Variants in CHST8 observed in about 807,000 individuals in gnomAD.
CHST8 encodes carbohydrate sulfotransferase 8.
In CHST8, 10 loss-of-function variants were observed where a neutral mutation model predicts 15.0. The ratio of observed to expected loss-of-function variants is 0.67; its 90% CI spans 0.41 to 1.13. The LOEUF (loss-of-function observed/expected upper bound fraction) is 1.13. Ranked by LOEUF, CHST8 falls within the 50% of genes most tolerant of loss-of-function variation. CHST8 has a pLI of 0.00. For missense variants in CHST8, 634 were observed against 608.2 expected, an observed-to-expected ratio of 1.04 and a Z score of -0.45; for synonymous variants, 259 against 256.6, an observed-to-expected ratio of 1.01 and a Z score of -0.09.
Position 33,772,795 on chromosome 19 carries a change from G to C in CHST8, c.1007G>C (p.Ser336Thr), listed in dbSNP as rs1228724147. Residue 336 changes from serine to threonine, a missense_variant, in exon 5 of 5, where the codon AGC becomes ACC. Coordinates refer to ENST00000650847, the MANE Select transcript of CHST8 (RefSeq NM_001127895.2). ...IHWDHVSRLC[S>T]PCLIDYDFVG... is the part of the protein sequence containing the mutation. ...TGGGACCATGTCAGCCGGCTCTGCA[G>C]CCCCTGCCTCATCGACTACGATTTC... 6.2e-7 allele frequency: 1 copy of C among 1,613,518 alleles called. No homozygotes were observed. The highest frequency in any genetic ancestry group is 1.3e-5 in the African/African-American group (1 of 75,060).
intron 3 of CHST8, among the ~76,000 whole-genome samples, chr19:33,728,648 C>T (rs1973944636): frequency 6.6e-6 from 1 of 152,220 alleles, no homozygotes; most frequent in Non-Finnish European, 1.5e-5. Context: ...CAGACATGCA[C>T]CTGCCCTCAA....
At chr19:33,694,923 T>G in intron 3 of CHST8, among the ~76,000 whole-genome samples, 1 of 139,964 alleles carries the variant, frequency 7.1e-6, no homozygotes, top group Non-Finnish European at 1.6e-5. Context: ...CTTCCCTCCC[T>G]TCCCCTCCCC....
intron 3 of CHST8, among the ~76,000 whole-genome samples, chr19:33,712,857 T>A (rs1599575308): frequency 6.6e-6 from 1 of 152,280 alleles, no homozygotes; most frequent in Non-Finnish European, 1.5e-5. Flanking sequence ...GATCACCCTC[T>A]GCCCTCTCAC....
chr19:33,688,823 C>T (rs80038226), intron 2 of CHST8, among the ~76,000 whole-genome samples: 2,194 of 152,262 alleles, frequency 0.014, 23 homozygotes, highest in Middle Eastern at 0.054. Flanking sequence ...CCTGGGAGCA[C>T]GCATGCTTAT....
intron 3 of CHST8, among the ~76,000 whole-genome samples, chr19:33,698,934 G>A (rs892418976): frequency 1.9e-4 from 29 of 152,192 alleles, no homozygotes; most frequent in African/African-American, 6.8e-4. Context: ...ACCATGCAGG[G>A]TGGGGAGGGC....
At chr19:33,732,902 C>T (rs1423819420) in intron 3 of CHST8, among the ~76,000 whole-genome samples, 2 of 152,206 alleles carry the variant, frequency 1.3e-5, no homozygotes, top group Non-Finnish European at 2.9e-5. Context: ...GCATATCACC[C>T]TCCCAGCAGA....
chr19:33,708,702 T>G (rs1973491224), intron 3 of CHST8, among the ~76,000 whole-genome samples: 1 of 152,228 alleles, frequency 6.6e-6, no homozygotes, highest in African/African-American at 2.4e-5. Context: ...TTTTGGGTAT[T>G]CTGAGTCTTT....
At chr19:33,672,562 C>G (rs1972753241) in intron 2 of CHST8, among the ~76,000 whole-genome samples, 1 of 152,150 alleles carries the variant, frequency 6.6e-6, no homozygotes, top group Non-Finnish European at 1.5e-5. Context: ...AGTGCAAGTT[C>G]TTAGGCAGAT....
chr19:33,689,576 G>T (rs1470612923), intron 3 of CHST8, among the ~76,000 whole-genome samples, 185 bp downstream of exon 3: 1 of 152,250 alleles, frequency 6.6e-6, no homozygotes, highest in African/African-American at 2.4e-5. Context: ...TGCTGTGTCT[G>T]ATGCAAGACC....
rs79113112 is a variant in CHST8 at position 33,737,839 on chromosome 19, T to C, written c.131-33574T>C. On this transcript the variant is annotated intron_variant, in intron 3 of 4. Transcript: ENST00000650847. ...CTCCTCCAAGCCCATTCCCTCTGCA[T>C]TTGATAGCCACGTACCTGGCCCCCA... Among the ~76,000 whole-genome samples, 511 of 152,302 alleles carry C rather than the reference T, an allele frequency of 3.4e-3. 4 individuals carry two copies. Among genetic ancestry groups the C allele is most frequent in the Non-Finnish European group, 4.9e-3 (335 of 68,024 alleles).
In CHST8 at chr19:33,728,916, C is replaced by T. The variant is rs1045484060; in HGVS notation, c.130+39525C>T. 4.6e-5 allele frequency among the ~76,000 whole-genome samples: 7 copies of T among 152,172 alleles called. No homozygotes were observed. The East Asian group carries it at 5.8e-4, about 13-fold the overall frequency. Reference sequence around the variant, plus strand: ...AGGTGAGCTCCATAGGGTGCTGCTGCGTTAGTCTGACTTCTGGCCCTGCCC... The same window carrying T: ...AGGTGAGCTCCATAGGGTGCTGCTGTGTTAGTCTGACTTCTGGCCCTGCCC... On this transcript the variant is annotated intron_variant, in intron 3 of 4. Coordinates refer to ENST00000650847, the MANE Select transcript of CHST8 (RefSeq NM_001127895.2).
chr19:33,644,518 C>A (rs1600232861), intron 1 of CHST8, among the ~76,000 whole-genome samples: 1 of 151,778 alleles, frequency 6.6e-6, no homozygotes, highest in South Asian at 2.1e-4. Context: ...GAGGATCCCT[C>A]GAGGCCAGGA....
intron 3 of CHST8, among the ~76,000 whole-genome samples, chr19:33,762,860 C>CT (rs1568361568): frequency 1.6e-5 from 2 of 126,204 alleles, no homozygotes; most frequent in Non-Finnish European, 3.5e-5. Context: ...GCTCAGTTTT[C>CT]TCTCTTTTTT....
chr19:33,711,258 C>G (rs1161837644), intron 3 of CHST8, among the ~76,000 whole-genome samples: 1 of 152,186 alleles, frequency 6.6e-6, no homozygotes. Flanking sequence ...TCACTCAGCT[C>G]TTTCAGAAGC....
At position 33,671,841 on chromosome 19, in the gene CHST8, G is replaced by GT. The variant is rs1972742628; in HGVS notation, c.-87+4000dup. ...TTGTTTTGTTCATGAATGGATCCCA[G>GT]TTGCCTAGAATAGTGCCAGGCATGT... On this transcript the variant is annotated intron_variant, in intron 2 of 4. Coordinates refer to ENST00000650847, the MANE Select transcript of CHST8 (RefSeq NM_001127895.2). Among the ~76,000 whole-genome samples the GT allele has an allele frequency of 1.3e-5, 2 of 151,846 alleles. 1 individual carries two copies. The highest frequency in any genetic ancestry group is 4.2e-4 in the South Asian group (2 of 4,808).
intron 3 of CHST8, among the ~76,000 whole-genome samples, chr19:33,722,054 A>G (rs115859768): frequency 0.018 from 2,577 of 141,490 alleles, 55 homozygotes; most frequent in African/African-American, 0.053. Context: ...ATGGGTAGAC[A>G]GACTGATGGA....
intron 1 of CHST8, among the ~76,000 whole-genome samples, chr19:33,645,699 T>C (rs560111137): frequency 6.6e-5 from 10 of 152,264 alleles, no homozygotes; most frequent in African/African-American, 2.4e-4. Flanking sequence ...ATGTTGAATA[T>C]TTGGTTGGAT....
intron 1 of CHST8, among the ~76,000 whole-genome samples, chr19:33,640,669 G>A (rs1371903627): frequency 1.3e-5 from 2 of 152,214 alleles, no homozygotes; most frequent in Admixed American, 1.3e-4. Flanking sequence ...ATGACAGTCG[G>A]AATTAATGTT....
intron 3 of CHST8, among the ~76,000 whole-genome samples, chr19:33,756,747 T>C (rs1440899086): frequency 6.6e-6 from 1 of 152,220 alleles, no homozygotes; most frequent in Non-Finnish European, 1.5e-5. Flanking sequence ...TGAATTTGTT[T>C]TCCCACTTCC....
Sources: gnomAD v4.1 joint callset for allele counts (sites outside exome capture counted in the v4.1 genomes callset) on GRCh38, gnomAD v4.1.1 for gene constraint, MANE v1.5 for transcripts, NCBI Gene and HGNC (gene_info 2026-07-23, HGNC 2026-07-21) for gene names.